Variants in ABCA5 observed in about 807,000 individuals in gnomAD.
ABCA5 encodes ATP binding cassette subfamily A member 5, also known as cholesterol transporter ABCA5.
A neutral mutation model predicts 206.0 loss-of-function variants in ABCA5; 163 were observed. That is an observed-to-expected ratio of 0.79 (90% CI 0.70 to 0.90). The LOEUF (loss-of-function observed/expected upper bound fraction) is 0.90, where lower values mean the gene tolerates loss of function less well. Ranked by LOEUF, ABCA5 falls within the 40% of genes least tolerant of loss-of-function variation. ABCA5 has a pLI of 0.00. For missense variants in ABCA5, 1,859 were observed against 1,912.9 expected, an observed-to-expected ratio of 0.97 and a Z score of 0.53; for synonymous variants, 609 against 613.8, an observed-to-expected ratio of 0.99 and a Z score of 0.11.
At position 69,325,236 on chromosome 17, in the gene ABCA5, G is replaced by A. The variant is rs1055873561; in HGVS notation, c.-16+1816C>T. ...AGGTGGGAGGATCACTTGAGCCTGCGAAGTCAAGGCTGCAGTGAGCCAAGA... is the reference window on the plus strand; with the variant it reads ...AGGTGGGAGGATCACTTGAGCCTGCAAAGTCAAGGCTGCAGTGAGCCAAGA... On this transcript the variant is annotated intron_variant, in intron 1 of 38. Coordinates refer to ENST00000392676, the MANE Select transcript of ABCA5 (RefSeq NM_172232.4). 6.6e-5 allele frequency among the ~76,000 whole-genome samples: 10 copies of A among 150,924 alleles called. No homozygotes were observed. In the South Asian group the frequency reaches 1.7e-3, roughly 25 times the overall value.
intron 12 of ABCA5, among the ~76,000 whole-genome samples, chr17:69,290,592 G>A (rs371018525): frequency 2.2e-4 from 33 of 151,940 alleles, no homozygotes; most frequent in Admixed American, 7.2e-4. Flanking sequence ...ATACAACTAA[G>A]GACAAAGAAC....
chr17:69,294,723 A>G lies in ABCA5; in HGVS notation c.1437-10T>C. 6.4e-7 allele frequency: 1 copy of G among 1,572,208 alleles called. No individual in the cohort carries two copies. ...CTGAATACCACTAATTCTGAAATAT[A>G]AAGTTTTATATTTTAAGTATTTAAA... On this transcript the variant is annotated splice_polypyrimidine_tract_variant and intron_variant, in intron 10 of 38. Coordinates refer to ENST00000392676, the MANE Select transcript of ABCA5 (RefSeq NM_172232.4).
Position 69,271,214 on chromosome 17 carries a change from T to C in ABCA5, c.2840A>G (p.Tyr947Cys), listed in dbSNP as rs141034059. ...CGCACTATGGGGAGCCACGGATACA[T>C]AGTCACTGTCATTAATCATCGTCAC... The part of the protein sequence containing the change: ...IMVTMINDSD[Y>C]VSVAPHSAAL... The change falls in exon 21 of 39, where the codon TAT (tyrosine) becomes TGT (cysteine). Residue 947 changes from tyrosine (Y) to cysteine (C), a missense_variant. Transcript: ENST00000392676. 82 of 1,613,522 alleles carry C rather than the reference T, an allele frequency of 5.1e-5. No homozygotes were observed. The highest frequency in any genetic ancestry group is 6.1e-5 in the Non-Finnish European group (72 of 1,179,708).
Position 69,275,137 on chromosome 17 carries a change from C to G in ABCA5, c.2595-1009G>C, listed in dbSNP as rs559405953. Among the ~76,000 whole-genome samples the G allele has an allele frequency of 2.0e-5, 3 of 152,256 alleles. No individual in the cohort carries two copies. The East Asian group carries it at 5.8e-4, about 29-fold the overall frequency. On this transcript the variant is annotated intron_variant, in intron 19 of 38. Coordinates refer to ENST00000392676, the MANE Select transcript of ABCA5 (RefSeq NM_172232.4). Reference sequence around the variant, plus strand: ...GGGATTTCAGGTGTGAGCCACTGCACCCAGCCCCATTTACTTTTCACGTAA... The same window carrying G: ...GGGATTTCAGGTGTGAGCCACTGCAGCCAGCCCCATTTACTTTTCACGTAA...
chr17:69,289,448 T>C, intron 13 of ABCA5, 152 bp from the exon 14 acceptor site: 3 of 628,040 alleles, frequency 4.8e-6, no homozygotes, highest in Non-Finnish European at 7.0e-6. Context: ...TTAAAAATGA[T>C]CCTTTAGCAT....
intron 2 of ABCA5, among the ~76,000 whole-genome samples, chr17:69,313,936 A>G (rs2075792940): frequency 6.6e-6 from 1 of 152,150 alleles, no homozygotes; most frequent in South Asian, 2.1e-4. Context: ...AATCTGTGTC[A>G]TAATATTAAT....
chr17:69,293,419 C>T (rs2075549371), intron 11 of ABCA5, among the ~76,000 whole-genome samples: 2 of 152,100 alleles, frequency 1.3e-5, no homozygotes, highest in Admixed American at 6.6e-5. Context: ...GTGATCAAAG[C>T]CAGGGATGCT....
chr17:69,296,826 A>G (rs1158027732), intron 10 of ABCA5, among the ~76,000 whole-genome samples: 1 of 152,154 alleles, frequency 6.6e-6, no homozygotes, highest in Non-Finnish European at 1.5e-5. Context: ...TTAGCCAGGC[A>G]TGGTGGCGCA....
chr17:69,316,478 C>G (rs1043943913), intron 1 of ABCA5, among the ~76,000 whole-genome samples: 1 of 147,724 alleles, frequency 6.8e-6, no homozygotes, highest in African/African-American at 2.5e-5. Flanking sequence ...CAAAGTGAGG[C>G]CCTGTCTCAA....
intron 14 of ABCA5, among the ~76,000 whole-genome samples, chr17:69,288,090 G>A (rs2075480110): frequency 6.6e-6 from 1 of 150,658 alleles, no homozygotes; most frequent in Non-Finnish European, 1.5e-5. Flanking sequence ...CTTTTTTGGA[G>A]AAGAATATAT....
At chr17:69,282,430 G>A (rs115503434) in intron 18 of ABCA5, among the ~76,000 whole-genome samples, 191 of 152,140 alleles carry the variant, frequency 1.3e-3, no homozygotes, top group African/African-American at 4.3e-3. Context: ...ATCTTCAGCC[G>A]TAACATCTTC....
At chr17:69,304,907 T>G in intron 6 of ABCA5, 97 bp from the exon 7 acceptor site, 1 of 1,152,278 alleles carries the variant, frequency 8.7e-7, no homozygotes, top group South Asian at 2.3e-5. Flanking sequence ...AGCCATTTTA[T>G]TCTTAAAATT....
At chr17:69,254,175 C>A (rs1425671749) in intron 32 of ABCA5, 140 bp downstream of exon 32, 12 of 701,032 alleles carry the variant, frequency 1.7e-5, no homozygotes, top group South Asian at 2.6e-5. Context: ...TTTCATATAT[C>A]ATAAAGAATA....
At chr17:69,272,522 G>T (rs1420095257) in intron 20 of ABCA5, among the ~76,000 whole-genome samples, 3 of 150,900 alleles carry the variant, frequency 2.0e-5, no homozygotes, top group Non-Finnish European at 4.4e-5. Flanking sequence ...AAAAAAAAAA[G>T]AAATATTTGA....
Position 69,256,149 on chromosome 17 carries a change from TA to T in ABCA5, c.3858+7del. ...TTTACTATGACTTAGCCATAAAGAA[TA>T]AATTACCTCCTCACAACACTGGCAA... On this transcript the variant is annotated splice_region_variant and intron_variant, in intron 29 of 38. Transcript: ENST00000392676. 1 of 1,582,102 alleles carries T rather than the reference TA, an allele frequency of 6.3e-7. No individual in the cohort carries two copies. Among genetic ancestry groups the T allele is most frequent in the Non-Finnish European group, 8.6e-7 (1 of 1,168,616 alleles).
intron 9 of ABCA5, among the ~76,000 whole-genome samples, chr17:69,298,306 AAG>A (rs149500787): frequency 3.1e-5 from 1 of 32,428 alleles, no homozygotes; most frequent in African/African-American, 6.6e-5. Context: ...AAGAGAAAGA[AAG>A]AGAGAGAGAG....
At chr17:69,284,123 A>T (rs746014903) in intron 17 of ABCA5, 51 bp from the exon 18 acceptor site, 2 of 1,386,654 alleles carry the variant, frequency 1.4e-6, no homozygotes, top group Admixed American at 3.0e-5. Flanking sequence ...ATTATCATAA[A>T]TTATTGTAAA....
chr17:69,322,363 C>CA (rs3029978), intron 1 of ABCA5, among the ~76,000 whole-genome samples: 1,967 of 52,024 alleles, frequency 0.038, 346 homozygotes, highest in African/African-American at 0.067. Context: ...GATTCCGTCT[C>CA]AAAAAAAAAA....
At chr17:69,281,704 T>C (rs1379854460) in intron 18 of ABCA5, among the ~76,000 whole-genome samples, 1 of 152,212 alleles carries the variant, frequency 6.6e-6, no homozygotes, top group East Asian at 1.9e-4. Flanking sequence ...TGACAAATTA[T>C]TGTTCCCACA....
Sources: gnomAD v4.1 joint callset for allele counts (sites outside exome capture counted in the v4.1 genomes callset) on GRCh38, gnomAD v4.1.1 for gene constraint, MANE v1.5 for transcripts, NCBI Gene and HGNC (gene_info 2026-07-23, HGNC 2026-07-21) for gene names.